Variants in CADPS observed in about 807,000 individuals in gnomAD.
The protein encoded by CADPS is calcium-dependent secretion activator 1.
CADPS carries 57 observed loss-of-function variants against 167.3 expected under a neutral mutation model. That is an observed-to-expected ratio of 0.34 (90% CI 0.28 to 0.42). The LOEUF (loss-of-function observed/expected upper bound fraction) is 0.42, where lower values mean the gene tolerates loss of function less well. Among genes scored for constraint, CADPS ranks in the 20% least tolerant of loss-of-function variants. The pLI, the probability that CADPS is intolerant of heterozygous loss-of-function variation, is 1.00. For synonymous variants in CADPS, 676 were observed against 635.3 expected, an observed-to-expected ratio of 1.06 and a Z score of -0.96; for missense variants, 1,414 against 1,738.1, an observed-to-expected ratio of 0.81 and a Z score of 3.32.
intron 11 of CADPS, among the ~76,000 whole-genome samples, chr3:62,548,619 T>C (rs1432720951): frequency 7.2e-5 from 11 of 152,254 alleles, no homozygotes; most frequent in Admixed American, 7.2e-4. Context: ...AATACAAGTT[T>C]ACCTCTATTT....
intron 10 of CADPS, 22 bp downstream of exon 10, chr3:62,557,383 G>A (rs759144899): frequency 3.3e-6 from 5 of 1,535,476 alleles, no homozygotes; most frequent in Non-Finnish European, 4.5e-6. Context: ...GTGGGCTCGT[G>A]GCCTTGAGGG....
chr3:62,524,558 CT>C (rs755517469), intron 13 of CADPS, among the ~76,000 whole-genome samples: 13 of 152,204 alleles, frequency 8.5e-5, no homozygotes, highest in Non-Finnish European at 1.6e-4. Context: ...CCAAACAAGG[CT>C]TGGAAGGGGC....
chr3:62,735,855 T>C (rs901137191), intron 3 of CADPS, among the ~76,000 whole-genome samples: 7 of 152,176 alleles, frequency 4.6e-5, no homozygotes, highest in African/African-American at 7.2e-5. Flanking sequence ...TAGGAGATGA[T>C]AGTGTAATGA....
Position 62,694,257 on chromosome 3 carries a change from C to A in CADPS, c.889-31863G>T, listed in dbSNP as rs535813145. On this transcript the variant is annotated intron_variant, in intron 3 of 29. Coordinates refer to ENST00000383710, the MANE Select transcript of CADPS (RefSeq NM_003716.4). ...TTTTGATTATCAAAGTCCATTGGATCAGGTCATAGATAAATCTATGTTTAA... is the reference window on the plus strand; with the variant it reads ...TTTTGATTATCAAAGTCCATTGGATAAGGTCATAGATAAATCTATGTTTAA... Among the ~76,000 whole-genome samples, 5 of 152,172 alleles carry A rather than the reference C, an allele frequency of 3.3e-5. 1 individual carries two copies. The South Asian group carries it at 1.0e-3, about 32-fold the overall frequency.
intron 3 of CADPS, among the ~76,000 whole-genome samples, chr3:62,679,906 G>A (rs2076881691): frequency 6.6e-6 from 1 of 151,914 alleles, no homozygotes; most frequent in African/African-American, 2.4e-5. Flanking sequence ...AAATAAAGCT[G>A]TGTCATATTT....
chr3:62,736,809 C>G (rs75189545), intron 3 of CADPS, among the ~76,000 whole-genome samples: 12,207 of 152,200 alleles, frequency 0.08, 616 homozygotes, highest in Non-Finnish European at 0.11. Flanking sequence ...CCATGGCGAA[C>G]AATTCTATTT....
intron 3 of CADPS, among the ~76,000 whole-genome samples, chr3:62,735,367 T>TA (rs2078781112): frequency 1.3e-5 from 1 of 79,774 alleles, no homozygotes; most frequent in Non-Finnish European, 2.3e-5. Flanking sequence ...AGCAAAGCAA[T>TA]AAATGTTACT....
chr3:62,685,301 A>C (rs2077802386), intron 3 of CADPS, among the ~76,000 whole-genome samples: 2 of 152,026 alleles, frequency 1.3e-5, no homozygotes, highest in African/African-American at 4.8e-5. Flanking sequence ...TAAGGCACAC[A>C]AACAGGTAGA....
rs146012707 is a variant in CADPS at position 62,737,873 on chromosome 3, T to A, written c.888+15568A>T. Among the ~76,000 whole-genome samples the A allele has an allele frequency of 1.5e-3, 228 of 152,250 alleles. 1 individual carries two copies. The highest frequency in any genetic ancestry group is 5.3e-3 in the African/African-American group (219 of 41,558). On this transcript the variant is annotated intron_variant, in intron 3 of 29. Coordinates refer to ENST00000383710, the MANE Select transcript of CADPS (RefSeq NM_003716.4). Reference sequence around the variant, plus strand: ...CAGAGACTTCTCTGTCTACATAATCTCAAATACCACCATTATCCTCTGTCT... The same window carrying A: ...CAGAGACTTCTCTGTCTACATAATCACAAATACCACCATTATCCTCTGTCT...
chr3:62,698,564 G>T (rs2151475177), intron 3 of CADPS, among the ~76,000 whole-genome samples: 1 of 152,016 alleles, frequency 6.6e-6, no homozygotes, highest in East Asian at 1.9e-4. Context: ...TGCCCTGTGG[G>T]ACCTCAATTT....
chr3:62,570,322 G>A (rs2081058839), intron 9 of CADPS, among the ~76,000 whole-genome samples: 1 of 150,824 alleles, frequency 6.6e-6, no homozygotes, highest in Non-Finnish European at 1.5e-5. Flanking sequence ...ACTTTTGGAA[G>A]CACCAGGCAC....
chr3:62,570,850 T>G (rs756583010), intron 9 of CADPS, 22 bp downstream of exon 9: 8 of 1,517,062 alleles, frequency 5.3e-6, no homozygotes, highest in South Asian at 3.4e-5. Context: ...TGATGTCTCT[T>G]AAGAGTTGAA....
chr3:62,874,435 G>C lies in CADPS; in HGVS notation c.441+154C>G, dbSNP rs1392686390. On this transcript the variant is annotated intron_variant, in intron 1 of 29. Coordinates refer to ENST00000383710, the MANE Select transcript of CADPS (RefSeq NM_003716.4). This position sits in a 1 kb window ranked among gnomAD's most constrained non-coding sequence, Gnocchi z 7.1. ...GGTTGGGCTGGGCCTGGGCGAGCCC[G>C]GCCGCTGGGAGGGGGCCTCGTAGCC... Among the ~76,000 whole-genome samples the C allele has an allele frequency of 6.6e-6, 1 of 152,060 alleles. No individual in the cohort carries two copies. Among genetic ancestry groups the C allele is most frequent in the East Asian group, 2.0e-4 (1 of 5,108 alleles).
chr3:62,734,253 A>T (rs2078530091), intron 3 of CADPS, among the ~76,000 whole-genome samples: 1 of 152,166 alleles, frequency 6.6e-6, no homozygotes, highest in Non-Finnish European at 1.5e-5. Flanking sequence ...TGATGGTGGA[A>T]ATGTTCTATG....
intron 9 of CADPS, among the ~76,000 whole-genome samples, chr3:62,560,416 C>T (rs1455088071): frequency 6.6e-6 from 1 of 152,150 alleles, no homozygotes; most frequent in Non-Finnish European, 1.5e-5. Flanking sequence ...AGGCAGTGAG[C>T]ACTGTTGTAA....
chr3:62,698,729 T>G, intron 3 of CADPS, among the ~76,000 whole-genome samples: 1 of 119,266 alleles, frequency 8.4e-6, no homozygotes, highest in South Asian at 2.9e-4. Flanking sequence ...CCTCCCCACT[T>G]CCTTTTTTTT....
At chr3:62,612,563 C>T (rs2061649221) in intron 6 of CADPS, among the ~76,000 whole-genome samples, 1 of 152,074 alleles carries the variant, frequency 6.6e-6, no homozygotes, top group Non-Finnish European at 1.5e-5. Context: ...TATTTTAATC[C>T]AAATAAATTA....
chr3:62,684,378 A>G (rs1449139113), intron 3 of CADPS, among the ~76,000 whole-genome samples: 1 of 151,996 alleles, frequency 6.6e-6, no homozygotes, highest in Non-Finnish European at 1.5e-5. Flanking sequence ...TTTGGCTCTA[A>G]TGATGATCCA....
In CADPS at chr3:62,756,776, G is replaced by A. The variant is rs138952256; in HGVS notation, c.556-3003C>T. Among the ~76,000 whole-genome samples the A allele has an allele frequency of 1.4e-4, 22 of 152,280 alleles. No homozygotes were observed. The East Asian group carries it at 3.1e-3, about 21-fold the overall frequency. ...TTATTTTAGAGAGAAGGAACAATACGTGTGAAGACCCCAAGTGCCTGAAGA... is the reference window on the plus strand; with the variant it reads ...TTATTTTAGAGAGAAGGAACAATACATGTGAAGACCCCAAGTGCCTGAAGA... On this transcript the variant is annotated intron_variant, in intron 2 of 29. Coordinates refer to ENST00000383710, the MANE Select transcript of CADPS (RefSeq NM_003716.4).
Sources: allele counts gnomAD v4.1 joint callset (sites outside exome capture counted in the v4.1 genomes callset), GRCh38; gene constraint gnomAD v4.1.1; non-coding constraint Gnocchi (gnomAD v3.1); transcripts MANE v1.5; gene names NCBI Gene and HGNC (gene_info 2026-07-23, HGNC 2026-07-21).